The following FER1L6 variants were observed in gnomAD, a reference collection of about 807,000 sequenced individuals.
FER1L6 encodes the protein fer-1-like protein 6.
FER1L6 carries 177 observed loss-of-function variants against 219.2 expected under a neutral mutation model. That is an observed-to-expected ratio of 0.81 (90% CI 0.71 to 0.91). The LOEUF is 0.91. Among genes scored for constraint, FER1L6 ranks in the 40% least tolerant of loss-of-function variants. FER1L6 has a pLI of 0.00. For synonymous variants in FER1L6, 768 were observed against 824.3 expected (o/e 0.93, Z 1.17); for missense variants, 2,153 against 2,259.9 (o/e 0.95, Z 0.96).
intron 29 of FER1L6, 38 bp from the exon 30 acceptor site, chr8:124,070,429 C>T: frequency 6.2e-7 from 1 of 1,607,248 alleles, no homozygotes. Flanking sequence ...CCTGGGCTTT[C>T]CTTCCTCTTA....
intron 1 of FER1L6, among the ~76,000 whole-genome samples, chr8:123,898,772 T>TATATATACATATATAC (rs1491278385): frequency 5.9e-5 from 6 of 102,130 alleles, no homozygotes; most frequent in Admixed American, 1.0e-4. Flanking sequence ...TATATATGTG[T>TATATATACATATATAC]ATATATACGT....
At position 124,071,575 on chromosome 8, in the gene FER1L6, C is replaced by T. The variant is rs947901878; in HGVS notation, c.4036C>T (p.Gln1346Ter). ...GGACAGCGGGCAGCTGAGAATCCAG[C>T]AAGGGATTCCGCCCAATCACCCTGT... The part of the protein sequence containing the change: ...SEDSGQLRIQ[Q>*]GIPPNHPVTV... Residue 1346 changes from glutamine to a stop codon, truncating the protein, a stop_gained, in exon 31 of 41, where the codon CAA (glutamine) becomes TAA (stop). Transcript: ENST00000522917. LOFTEE classifies it high-confidence loss of function. The T allele has an allele frequency of 6.2e-7, 1 of 1,614,108 alleles. No homozygotes were observed. The highest frequency in any genetic ancestry group is 8.5e-7 in the Non-Finnish European group (1 of 1,179,986).
intron 1 of FER1L6, among the ~76,000 whole-genome samples, chr8:123,933,017 T>G (rs1351257044): frequency 6.6e-6 from 1 of 152,204 alleles, no homozygotes; most frequent in Non-Finnish European, 1.5e-5. Context: ...TCAACCTCTG[T>G]GAGCCCCAGG....
intron 1 of FER1L6, among the ~76,000 whole-genome samples, chr8:123,926,415 C>T (rs1288178061): frequency 6.6e-6 from 1 of 152,202 alleles, no homozygotes; most frequent in Non-Finnish European, 1.5e-5. Flanking sequence ...GGCTCCCGTG[C>T]ACAAGGACCC....
intron 22 of FER1L6, among the ~76,000 whole-genome samples, chr8:124,050,761 CTT>C (rs925565011): frequency 1.3e-5 from 2 of 152,038 alleles, no homozygotes; most frequent in African/African-American, 2.4e-5. Flanking sequence ...AGTTATCTCT[CTT>C]GTGTCTCTTC....
chr8:123,866,802 A>G (rs891017362), intron 1 of FER1L6, among the ~76,000 whole-genome samples: 2 of 152,042 alleles, frequency 1.3e-5, no homozygotes, highest in Non-Finnish European at 1.5e-5. Context: ...ATTTTTCTGT[A>G]GATATGGGGT....
At chr8:123,909,494 G>A (rs933183012) in intron 1 of FER1L6, among the ~76,000 whole-genome samples, 4 of 152,050 alleles carry the variant, frequency 2.6e-5, no homozygotes, top group Admixed American at 6.6e-5. Context: ...GGAGGATGCC[G>A]CACAATCCAG....
At chr8:124,092,245 G>A (rs1040644861) in intron 34 of FER1L6, among the ~76,000 whole-genome samples, 1 of 152,064 alleles carries the variant, frequency 6.6e-6, no homozygotes, top group African/African-American at 2.4e-5. Context: ...CCTTTTTACG[G>A]TTATGCCATT....
At chr8:123,936,542 C>G (rs1814017180) in intron 1 of FER1L6, among the ~76,000 whole-genome samples, 2 of 131,436 alleles carry the variant, frequency 1.5e-5, no homozygotes, top group African/African-American at 5.9e-5. Context: ...ATTTCATGTA[C>G]TTGGACACAA....
chr8:124,097,330 T>A lies in FER1L6; in HGVS notation c.4755T>A (p.Pro1585=). 6.2e-7 allele frequency: 1 copy of A among 1,613,458 alleles called. No individual in the cohort carries two copies. The highest frequency in any genetic ancestry group is 8.5e-7 in the Non-Finnish European group (1 of 1,179,568). ...AGGATATGCCTCAACCTGGACCTCC[T>A]GTTGACATCTCTCCAAGGCGACCCA... ...FPKDMPQPGP[P]VDISPRRPKG... is the part of the protein sequence containing the mutation. The change falls in exon 36 of 41, where the codon CCT becomes CCA. Residue 1585 remains proline, a synonymous_variant. Transcript: ENST00000522917.
At chr8:124,091,673 T>A in intron 34 of FER1L6, 90 bp downstream of exon 34, 1 of 1,402,232 alleles carries the variant, frequency 7.1e-7, no homozygotes, top group South Asian at 1.3e-5. Flanking sequence ...CATCTAATTA[T>A]AAAAGTAATG....
At chr8:124,065,340 G>A (rs1820780329) in intron 26 of FER1L6, among the ~76,000 whole-genome samples, 1 of 147,690 alleles carries the variant, frequency 6.8e-6, no homozygotes, top group African/African-American at 2.5e-5. Flanking sequence ...GGCGGAGGCT[G>A]CAGTGAGCCG....
At chr8:124,059,709 C>A (rs1820471970) in intron 22 of FER1L6, among the ~76,000 whole-genome samples, 1 of 152,178 alleles carries the variant, frequency 6.6e-6, no homozygotes, top group African/African-American at 2.4e-5. Context: ...AATGTACATC[C>A]TTTTATTGTA....
intron 18 of FER1L6, among the ~76,000 whole-genome samples, chr8:124,025,656 G>C (rs1463455675): frequency 6.6e-6 from 1 of 152,040 alleles, no homozygotes; most frequent in Non-Finnish European, 1.5e-5. Flanking sequence ...TTGGCAATTT[G>C]GGCTCTTTTT....
chr8:124,056,616 T>C (rs553751045), intron 22 of FER1L6, among the ~76,000 whole-genome samples: 2 of 152,316 alleles, frequency 1.3e-5, no homozygotes, highest in South Asian at 4.1e-4. Context: ...CTGTGTGATC[T>C]TTCTCCCTGT....
chr8:124,051,242 C>G (rs147177876), intron 22 of FER1L6, among the ~76,000 whole-genome samples: 54 of 152,248 alleles, frequency 3.5e-4, no homozygotes, highest in African/African-American at 1.3e-3. Context: ...TGAGAATAAA[C>G]ATTTATTGTT....
chr8:124,066,135 C>T (rs559736595), intron 26 of FER1L6, among the ~76,000 whole-genome samples: 99 of 152,288 alleles, frequency 6.5e-4, no homozygotes, highest in African/African-American at 2.2e-3. Context: ...GCATGCCTAG[C>T]TCCTGTACTG....
At chr8:124,081,060 G>C (rs1045788086) in intron 32 of FER1L6, among the ~76,000 whole-genome samples, 2 of 152,104 alleles carry the variant, frequency 1.3e-5, no homozygotes, top group South Asian at 2.1e-4. Context: ...TGGGGAGTAA[G>C]TGTCAGGGTT....
chr8:123,933,005 A>G (rs1813835240), intron 1 of FER1L6, among the ~76,000 whole-genome samples: 1 of 152,170 alleles, frequency 6.6e-6, no homozygotes, highest in Non-Finnish European at 1.5e-5. Context: ...TATACCAGCC[A>G]TTCAACCTCT....
Sources: gnomAD v4.1 joint callset for allele counts (sites outside exome capture counted in the v4.1 genomes callset) on GRCh38, gnomAD v4.1.1 for gene constraint, MANE v1.5 for transcripts, NCBI Gene and HGNC (gene_info 2026-07-23, HGNC 2026-07-21) for gene names.